The following SLC12A2 variants were observed in gnomAD, a reference collection of about 807,000 sequenced individuals.
SLC12A2 encodes the protein Na-K-2Cl cotransporter 1.
In SLC12A2, 67 loss-of-function variants were observed where a neutral mutation model predicts 136.3. The ratio of observed to expected loss-of-function variants is 0.49; its 90% confidence interval spans 0.40 to 0.60. SLC12A2 has a LOEUF of 0.60. SLC12A2 is among the 20% of genes least tolerant of loss of function. The pLI is 0.00. For missense variants in SLC12A2, 1,322 were observed against 1,534.7 expected (o/e 0.86, Z 2.32); for synonymous variants, 619 against 562.9 (o/e 1.10, Z -1.41).
intron 22 of SLC12A2, among the ~76,000 whole-genome samples, chr5:128,180,481 C>T (rs368872531): frequency 2.6e-5 from 4 of 152,268 alleles, no homozygotes; most frequent in African/African-American, 9.6e-5. Context: ...ATGGACAGAG[C>T]CAGGAACTCC....
chr5:128,114,969 G>C (rs996739768), intron 4 of SLC12A2, among the ~76,000 whole-genome samples: 3 of 152,082 alleles, frequency 2.0e-5, no homozygotes, highest in Non-Finnish European at 2.9e-5. Context: ...TCCAAGGCTT[G>C]CCCTTGGATC....
At chr5:128,121,057 C>G (rs1465902561) in intron 4 of SLC12A2, among the ~76,000 whole-genome samples, 3 of 151,998 alleles carry the variant, frequency 2.0e-5, no homozygotes, top group African/African-American at 7.2e-5. Flanking sequence ...GTGTTATGTA[C>G]ATTTTGCCAT....
chr5:128,139,882 ATTATAT>A (rs1050305802), intron 9 of SLC12A2, among the ~76,000 whole-genome samples: 130 of 152,352 alleles, frequency 8.5e-4, no homozygotes, highest in African/African-American at 2.9e-3. Flanking sequence ...TAATAGCAGA[ATTATAT>A]TTATAAACTC....
chr5:128,156,243 T>A (rs146773658), intron 15 of SLC12A2, among the ~76,000 whole-genome samples: 1 of 152,222 alleles, frequency 6.6e-6, no homozygotes, highest in South Asian at 2.1e-4. Flanking sequence ...CTTCCTCATG[T>A]GCTTTCCAGA....
Position 128,135,825 on chromosome 5 carries a change from C to A in SLC12A2, c.1408+17C>A. Reference sequence around the variant, plus strand: ...GTTATAAATGTAAGTAAAAAAGATTCAATATTTTTTAAGGGTACCTATTTA... The same window carrying A: ...GTTATAAATGTAAGTAAAAAAGATTAAATATTTTTTAAGGGTACCTATTTA... On this transcript the variant is annotated intron_variant, in intron 7 of 26. Coordinates refer to ENST00000262461, the MANE Select transcript of SLC12A2 (RefSeq NM_001046.3). The A allele has an allele frequency of 1.5e-6, 2 of 1,376,886 alleles. No individual in the cohort carries two copies. Among genetic ancestry groups the A allele is most frequent in the Non-Finnish European group, 1.0e-6 (1 of 970,644 alleles). The allele number at this position is 1,376,886 out of a possible 1,614,324, so 85.3% of individuals were successfully genotyped here.
chr5:128,160,187 A>G (rs1408133168), intron 16 of SLC12A2, among the ~76,000 whole-genome samples: 3 of 151,972 alleles, frequency 2.0e-5, no homozygotes, highest in Non-Finnish European at 4.4e-5. Flanking sequence ...GAGTTGAACA[A>G]TGAGAACACA....
intron 1 of SLC12A2, among the ~76,000 whole-genome samples, chr5:128,087,641 C>T (rs956444810): frequency 2.0e-5 from 3 of 151,964 alleles, no homozygotes; most frequent in Non-Finnish European, 2.9e-5. Flanking sequence ...TGTAGTGGGA[C>T]GCTATTGAAG....
chr5:128,150,067 A>G lies in SLC12A2; in HGVS notation c.2076A>G (p.Ser692=). 6.2e-7 allele frequency: 1 copy of G among 1,608,674 alleles called. No individual in the cohort carries two copies. Among genetic ancestry groups the G allele is most frequent in the Non-Finnish European group, 8.5e-7 (1 of 1,176,664 alleles). Residue 692 remains serine, a synonymous_variant, in exon 13 of 27, where the codon TCA becomes TCG. Transcript: ENST00000262461. ...CATCATATGCATTGATCAATTTTTC[A>G]GTATTCCATGCATCACTTGCAAAAT... The part of the protein sequence containing the change: ...FLASYALINF[S]VFHASLAKSP...
chr5:128,086,204 A>G (rs558976028), intron 1 of SLC12A2, among the ~76,000 whole-genome samples: 5 of 152,326 alleles, frequency 3.3e-5, no homozygotes, highest in African/African-American at 1.2e-4. Context: ...TGAAAGGTAT[A>G]TATGTTGAGC....
In SLC12A2 at chr5:128,138,899, G is replaced by C; in HGVS notation, c.1612G>C (p.Val538Leu). The C allele has an allele frequency of 6.2e-7, 1 of 1,604,588 alleles. No homozygotes were observed. Among genetic ancestry groups the C allele is most frequent in the Non-Finnish European group, 8.5e-7 (1 of 1,172,070 alleles). Residue 538 changes from valine to leucine, a missense_variant, in exon 9 of 27, where the codon GTA (valine) becomes CTA (leucine). Val to Leu is a conservative substitution (Grantham distance 32). Transcript: ENST00000262461. ...ITTLVYVGIA[V>L]SVGSCVVRDA... is the part of the protein sequence containing the mutation. ...TACATTGGTTTACGTAGGAATTGCA[G>C]TATCTGTAGGTAAATAGTTTCACAT...
intron 4 of SLC12A2, among the ~76,000 whole-genome samples, chr5:128,117,989 G>A (rs555817026): frequency 2.0e-5 from 3 of 152,062 alleles, no homozygotes; most frequent in Admixed American, 1.3e-4. Flanking sequence ...AATTATCAGA[G>A]AAATGCAAAT....
At chr5:128,158,194 G>GTTT in intron 16 of SLC12A2, 30 bp downstream of exon 16, 1 of 1,519,134 alleles carries the variant, frequency 6.6e-7, no homozygotes, top group Non-Finnish European at 9.0e-7. Context: ...TCTTTTTCAA[G>GTTT]TTTTTTTTTA....
chr5:128,139,271 TA>T (rs201486547), intron 9 of SLC12A2, among the ~76,000 whole-genome samples: 2,233 of 152,008 alleles, frequency 0.015, 60 homozygotes, highest in African/African-American at 0.051. Context: ...GATGGTTATT[TA>T]TTTTTTTTTT....
At position 128,097,206 on chromosome 5, in the gene SLC12A2, G is replaced by A. The variant is rs541052792; in HGVS notation, c.756+12496G>A. ...AATGTTTATTGTTTCATGAGGAAGA[G>A]AAAGTAATATAAGTTTGAGAAATAG... On this transcript the variant is annotated intron_variant, in intron 1 of 26. Coordinates refer to ENST00000262461, the MANE Select transcript of SLC12A2 (RefSeq NM_001046.3). 2.1e-3 allele frequency among the ~76,000 whole-genome samples: 98 copies of A among 47,184 alleles called. 1 individual carries two copies. Among genetic ancestry groups the A allele is most frequent in the Admixed American group, 7.5e-3 (37 of 4,964 alleles). The allele number at this position is 47,184 out of a possible 152,430, so 31.0% of individuals were successfully genotyped here.
At chr5:128,095,321 G>GT (rs11342191) in intron 1 of SLC12A2, among the ~76,000 whole-genome samples, 5 of 151,820 alleles carry the variant, frequency 3.3e-5, no homozygotes, top group Admixed American at 6.6e-5. Flanking sequence ...GAGTAGGTGG[G>GT]TTTTTTTAGA....
At chr5:128,149,250 T>C (rs1762621696) in intron 12 of SLC12A2, among the ~76,000 whole-genome samples, 1 of 151,786 alleles carries the variant, frequency 6.6e-6, no homozygotes, top group Admixed American at 6.6e-5. Context: ...CATTGGACTT[T>C]TTAAGGTTTA....
intron 26 of SLC12A2, among the ~76,000 whole-genome samples, chr5:128,185,543 G>A (rs915968363): frequency 2.2e-5 from 3 of 137,790 alleles, no homozygotes; most frequent in Non-Finnish European, 4.6e-5. Flanking sequence ...AAAGTTTCAA[G>A]TTTTGCTGAT....
intron 15 of SLC12A2, among the ~76,000 whole-genome samples, chr5:128,157,442 T>C (rs949302854): frequency 1.8e-4 from 27 of 152,100 alleles, no homozygotes; most frequent in African/African-American, 6.5e-4. Flanking sequence ...TTTTTCAACA[T>C]AGGTGATTTT....
Position 128,086,857 on chromosome 5 carries a change from A to G in SLC12A2, c.756+2147A>G, listed in dbSNP as rs575026528. Reference sequence around the variant, plus strand: ...AGAAGTTGTCCCTTACTCTGTCTAAATTGACTTCTACCTCTCTAACACCTT... The same window carrying G: ...AGAAGTTGTCCCTTACTCTGTCTAAGTTGACTTCTACCTCTCTAACACCTT... On this transcript the variant is annotated intron_variant, in intron 1 of 26. Coordinates refer to ENST00000262461, the MANE Select transcript of SLC12A2 (RefSeq NM_001046.3). Among the ~76,000 whole-genome samples the G allele has an allele frequency of 2.0e-5, 3 of 152,304 alleles. No individual in the cohort carries two copies. In the South Asian group the frequency reaches 6.2e-4, roughly 32 times the overall value.
Sources: gnomAD v4.1 joint callset for allele counts (sites outside exome capture counted in the v4.1 genomes callset) on GRCh38, gnomAD v4.1.1 for gene constraint, MANE v1.5 for transcripts, NCBI Gene and HGNC (gene_info 2026-07-23, HGNC 2026-07-21) for gene names.